Variants in RNF40 observed in about 807,000 individuals in gnomAD.
The protein encoded by RNF40 is E3 ubiquitin-protein ligase BRE1B.
A neutral mutation model predicts 123.3 loss-of-function variants in RNF40; 39 were observed. That is an observed-to-expected ratio of 0.32 (90% CI 0.24 to 0.41). The LOEUF (loss-of-function observed/expected upper bound fraction) is 0.41. Among genes scored for constraint, RNF40 ranks in the 10% least tolerant of loss-of-function variants. The pLI is 1.00. For synonymous variants in RNF40, 538 were observed against 526.0 expected, an observed-to-expected ratio of 1.02 and a Z score of -0.31; for missense variants, 1,003 against 1,319.9, an observed-to-expected ratio of 0.76 and a Z score of 3.72.
upstream of RNF40, chr16:30,761,618 G>C (rs1223366387): frequency 3.9e-6 from 6 of 1,535,982 alleles, no homozygotes; most frequent in African/African-American, 2.7e-5. Flanking sequence ...CCGCACACTC[G>C]CACGCGTCCG....
rs1481646972 is a variant in RNF40, at chr16:30,765,270, G to A, written c.861G>A (p.Glu287=). The A allele has an allele frequency of 1.5e-5, 24 of 1,614,146 alleles. No homozygotes were observed. The highest frequency in any genetic ancestry group is 1.6e-5 in the Non-Finnish European group (19 of 1,180,050). ...TGGAGGACTTGCAGTGGGACATCGA[G>A]AAGCTGCGGAAGCGAGAGCAAAAGC... ...TTVEDLQWDI[E]KLRKREQKLN... The change falls in exon 7 of 20, where the codon GAG becomes GAA. Residue 287 remains glutamate (E), a synonymous_variant. Coordinates refer to ENST00000324685, the MANE Select transcript of RNF40 (RefSeq NM_014771.4).
Position 30,768,342 on chromosome 16 carries a change from G to A in RNF40, c.1791G>A (p.Gln597=). The A allele has an allele frequency of 6.2e-7, 1 of 1,613,146 alleles. No homozygotes were observed. ...EDFQGITPGA[Q]GPSSRGREPE... is the part of the protein sequence containing the mutation. Reference sequence around the variant, plus strand: ...TCCAGGGTATAACCCCTGGGGCCCAGGGCCCTTCCTCCCGGGGCCGAGAAC... The same window carrying A: ...TCCAGGGTATAACCCCTGGGGCCCAAGGCCCTTCCTCCCGGGGCCGAGAAC... Residue 597 remains glutamine, a synonymous_variant, in exon 13 of 20, where the codon CAG becomes CAA. Coordinates refer to ENST00000324685, the MANE Select transcript of RNF40 (RefSeq NM_014771.4). The surrounding 1 kb of genome is among the most constrained non-coding windows in gnomAD (Gnocchi z 4.1).
rs1265360994 is a variant in RNF40 at position 30,762,493 on chromosome 16, C to T, written c.-53C>T. On this transcript the variant is annotated 5_prime_UTR_variant, in exon 2 of 20. Coordinates refer to ENST00000324685, the MANE Select transcript of RNF40 (RefSeq NM_014771.4). ...TCTGCAGGTGACGGAAGTACCGCCT[C>T]CTCCCGTTTGACGCCCCTCAGGGGA... 4 of 1,528,410 alleles carry T rather than the reference C, an allele frequency of 2.6e-6. No homozygotes were observed. Among genetic ancestry groups the T allele is most frequent in the East Asian group, 2.3e-5 (1 of 43,284 alleles). 94.7% of individuals were successfully genotyped at this position (1,528,410 alleles called of 1,614,324 possible).
At position 30,776,021 on chromosome 16, in the gene RNF40, A is replaced by T. The variant is rs2054229391; in HGVS notation, c.*1907A>T. The stretch of plus-strand genomic sequence containing the variant: ...GCCGATGGCCTGGGGCAGCGGTGCG[A>T]GGGTGGGAAAAACGCAGGATATTGC... On this transcript the variant is annotated 3_prime_UTR_variant, in exon 20 of 20. Transcript: ENST00000324685. The T allele has an allele frequency of 6.6e-6, 1 of 152,196 alleles. No homozygotes were observed. Among genetic ancestry groups the T allele is most frequent in the Non-Finnish European group, 1.5e-5 (1 of 68,052 alleles). The allele number at this position is 152,196 out of a possible 1,614,324, so 9.4% of individuals were successfully genotyped here.
At position 30,765,228 on chromosome 16, in the gene RNF40, G is replaced by T. The variant is rs1201793416; in HGVS notation, c.819G>T (p.Leu273=). ...TGACATCGGCAGAGACCAAGGTGCT[G>T]GAGATGGAGACAACAGTGGAGGACT... ...DKVTSAETKV[L]EMETTVEDLQ... The change falls in exon 7 of 20, where the codon CTG becomes CTT. Residue 273 remains leucine, a synonymous_variant. Coordinates refer to ENST00000324685, the MANE Select transcript of RNF40 (RefSeq NM_014771.4). 1 of 1,614,124 alleles carries T rather than the reference G, an allele frequency of 6.2e-7. No homozygotes were observed. Among genetic ancestry groups the T allele is most frequent in the African/African-American group, 1.3e-5 (1 of 74,948 alleles).
Position 30,774,005 on chromosome 16 carries a change from T to C in RNF40, c.2897T>C (p.Val966Ala). 1 of 1,614,090 alleles carries C rather than the reference T, an allele frequency of 6.2e-7. No individual in the cohort carries two copies. The highest frequency in any genetic ancestry group is 8.5e-7 in the Non-Finnish European group (1 of 1,179,918). ...GCAGTCCTTACCAAGTGCTTCCACGTTTTCTGCTTCGAGTGCGTGCGGGGC... is the reference window on the plus strand; with the variant it reads ...GCAGTCCTTACCAAGTGCTTCCACGCTTTCTGCTTCGAGTGCGTGCGGGGC... The part of the protein sequence containing the change: ...KDAVLTKCFH[V>A]FCFECVRGRY... The change falls in exon 20 of 20, where the codon GTT (valine) becomes GCT (alanine). Residue 966 changes from valine (V) to alanine (A), a missense_variant. Val to Ala is a moderately conservative substitution (Grantham distance 64). Transcript: ENST00000324685.
Position 30,767,394 on chromosome 16 carries a change from G to T in RNF40, c.1430-500G>T, listed in dbSNP as rs2054053983. 1.3e-5 allele frequency among the ~76,000 whole-genome samples: 2 copies of T among 152,094 alleles called. 1 individual carries two copies. Among genetic ancestry groups the T allele is most frequent in the Admixed American group, 1.3e-4 (2 of 15,266 alleles). ...AAGGGTGTTGCAATTTTGAATAGGA[G>T]GCCAGGGAAATGTACTGGGAAGGTG... On this transcript the variant is annotated intron_variant, in intron 11 of 19. Transcript: ENST00000324685.
At chr16:30,762,160 T>C (rs942549847), upstream of RNF40, 58 of 310,270 alleles carry the variant, frequency 1.9e-4, no homozygotes, top group African/African-American at 1.2e-3. Context: ...AGAGGAGGTG[T>C]TTGGGAAGAA....
chr16:30,774,300 A>G lies in RNF40; in HGVS notation c.*186A>G, dbSNP rs561673093. 30 of 606,750 alleles carry G rather than the reference A, an allele frequency of 4.9e-5. No homozygotes were observed. Among genetic ancestry groups the G allele is most frequent in the South Asian group, 7.1e-5 (3 of 42,188 alleles). 37.6% of individuals were successfully genotyped at this position (606,750 alleles called of 1,614,324 possible). On this transcript the variant is annotated 3_prime_UTR_variant, in exon 20 of 20. Coordinates refer to ENST00000324685, the MANE Select transcript of RNF40 (RefSeq NM_014771.4). ...CATGGGATCAGCCAAGCTTCGTTCC[A>G]TCTTTTCCTAAAGGTCAGAGCTGCA...
chr16:30,773,016 A>G (rs1413805751), intron 19 of RNF40, among the ~76,000 whole-genome samples: 1 of 152,142 alleles, frequency 6.6e-6, no homozygotes, highest in African/African-American at 2.4e-5. Context: ...CTAGGTGGAT[A>G]GTTAGTACCA....
At chr16:30,764,435 T>G in intron 5 of RNF40, 50 bp downstream of exon 5, 1 of 1,489,942 alleles carries the variant, frequency 6.7e-7, no homozygotes, top group Non-Finnish European at 9.2e-7. Context: ...CACCTGCATC[T>G]TGATGGCACC....
intron 1 of RNF40, 32 bp from the exon 2 acceptor site, chr16:30,762,443 G>A (rs1304765788): frequency 2.4e-6 from 3 of 1,254,324 alleles, no homozygotes; most frequent in Non-Finnish European, 3.2e-6. Context: ...AACACCAGCC[G>A]TTCCCACATC....
chr16:30,769,516 G>C lies in RNF40; in HGVS notation c.2502G>C (p.Lys834Asn). The C allele has an allele frequency of 6.2e-7, 1 of 1,613,390 alleles. No homozygotes were observed. The change falls in exon 17 of 20, where the codon AAG becomes AAC. Residue 834 changes from lysine (K) to asparagine (N), a missense_variant. Lys to Asn is a moderately conservative substitution (Grantham distance 94, BLOSUM62 0). This residue lies in a region of RNF40 where 121 missense variants were observed against 125.3 expected (regional missense o/e 0.97). Transcript: ENST00000324685. The stretch of plus-strand genomic sequence containing the variant: ...TGACTGTGCAGAAGCTAGAGGAGAA[G>C]GAGCGAGCCTTGCAGGGCAGCCTCG... ...QLLTVQKLEE[K>N]ERALQGSLGG...
chr16:30,762,517 G>A lies in RNF40; in HGVS notation c.-29G>A. On this transcript the variant is annotated 5_prime_UTR_variant, in exon 2 of 20. Coordinates refer to ENST00000324685, the MANE Select transcript of RNF40 (RefSeq NM_014771.4). ...TCCTCCCGTTTGACGCCCCTCAGGGGACCCTGCATCGCTCCAGCCGCCGCG... is the reference window on the plus strand; with the variant it reads ...TCCTCCCGTTTGACGCCCCTCAGGGAACCCTGCATCGCTCCAGCCGCCGCG... The A allele has an allele frequency of 1.3e-6, 2 of 1,565,058 alleles. No homozygotes were observed. Among genetic ancestry groups the A allele is most frequent in the Non-Finnish European group, 1.7e-6 (2 of 1,167,110 alleles).
rs2053927218 is a variant in RNF40 at position 30,763,250 on chromosome 16, G to A, written c.265G>A (p.Ala89Thr). Residue 89 changes from alanine (A) to threonine (T), a missense_variant, in exon 3 of 20, where the codon GCC becomes ACC. Coordinates refer to ENST00000324685, the MANE Select transcript of RNF40 (RefSeq NM_014771.4). ...GGAGAAGCGGCAGGCCACAGATGAT[G>A]CCACACTCCTCATCGTCAATCGCTA... ...KLEKRQATDD[A>T]TLLIVNRYWA... 1 of 1,614,136 alleles carries A rather than the reference G, an allele frequency of 6.2e-7. No homozygotes were observed. Among genetic ancestry groups the A allele is most frequent in the East Asian group, 2.2e-5 (1 of 44,890 alleles).
rs1010295567 is a variant in RNF40 at position 30,774,197 on chromosome 16, C to G, written c.*83C>G. 3.5e-6 allele frequency: 5 copies of G among 1,436,946 alleles called. No homozygotes were observed. The Admixed American group carries it at 1.2e-4, about 33-fold the overall frequency. 89.0% of individuals were successfully genotyped at this position (1,436,946 alleles called of 1,614,324 possible). Reference sequence around the variant, plus strand: ...CCTCCCCACCCCAGGTCTAGTGGCCCCACCCTCCATTCCGGACCCCATGGG... The same window carrying G: ...CCTCCCCACCCCAGGTCTAGTGGCCGCACCCTCCATTCCGGACCCCATGGG... On this transcript the variant is annotated 3_prime_UTR_variant, in exon 20 of 20. Transcript: ENST00000324685.
At position 30,773,930 on chromosome 16, in the gene RNF40, T is replaced by C; in HGVS notation, c.2830-8T>C. ...TTGTTCCCAAGCTGATGCCTTTGCCTGGCCCAGGCGCGGTTGACCTGCCCC... is the reference window on the plus strand; with the variant it reads ...TTGTTCCCAAGCTGATGCCTTTGCCCGGCCCAGGCGCGGTTGACCTGCCCC... On this transcript the variant is annotated splice_region_variant and splice_polypyrimidine_tract_variant and intron_variant, in intron 19 of 19. Coordinates refer to ENST00000324685, the MANE Select transcript of RNF40 (RefSeq NM_014771.4). The C allele has an allele frequency of 6.2e-7, 1 of 1,607,716 alleles. No homozygotes were observed. Among genetic ancestry groups the C allele is most frequent in the East Asian group, 2.2e-5 (1 of 44,720 alleles).
chr16:30,772,994 T>A (rs925866805), intron 19 of RNF40, among the ~76,000 whole-genome samples: 1 of 152,164 alleles, frequency 6.6e-6, no homozygotes, highest in African/African-American at 2.4e-5. Context: ...CCTGGTTTCC[T>A]GGTTTGAGAA....
At chr16:30,772,340 T>C (rs2054162978) in intron 19 of RNF40, 150 bp downstream of exon 19, 2 of 732,384 alleles carry the variant, frequency 2.7e-6, no homozygotes, top group Non-Finnish European at 2.5e-6. Context: ...TGCTGTTTGC[T>C]GTACATGTAC....
Sources: allele counts gnomAD v4.1 joint callset (sites outside exome capture counted in the v4.1 genomes callset), GRCh38; gene constraint gnomAD v4.1.1; regional missense constraint gnomAD v4.1.1; non-coding constraint Gnocchi (gnomAD v3.1); transcripts MANE v1.5; gene names NCBI Gene and HGNC (gene_info 2026-07-23, HGNC 2026-07-21).